The following CEP350 variants were observed in gnomAD, a reference collection of about 807,000 sequenced individuals.
CEP350 encodes the protein centrosome-associated protein 350.
A neutral mutation model predicts 331.8 loss-of-function variants in CEP350; 126 were observed. The observed-to-expected ratio is 0.38, with a 90% CI of 0.33 to 0.44. CEP350 has a LOEUF of 0.44. Ranked by LOEUF, CEP350 falls within the 20% of genes least tolerant of loss-of-function variation. The pLI, the probability that CEP350 is intolerant of heterozygous loss-of-function variation, is 1.00. For synonymous variants in CEP350, 1,200 were observed against 1,259.5 expected (o/e 0.95, Z 1.00); for missense variants, 3,406 against 3,634.6 (o/e 0.94, Z 1.62).
intron 19 of CEP350, 22 bp from the exon 20 acceptor site, chr1:180,043,034 T>C: frequency 6.2e-7 from 1 of 1,604,596 alleles, no homozygotes; most frequent in South Asian, 1.1e-5. Flanking sequence ...CATTTGCCTT[T>C]CTTGTGTGTG....
intron 1 of CEP350, among the ~76,000 whole-genome samples, chr1:179,983,886 C>T (rs1232203738): frequency 6.6e-6 from 1 of 152,148 alleles, no homozygotes; most frequent in African/African-American, 2.4e-5. Flanking sequence ...CAATGAAGCA[C>T]TAAGGTTAAG....
Position 180,041,646 on chromosome 1 carries a change from C to T in CEP350, c.4222-16C>T, listed in dbSNP as rs757284221. 6.3e-6 allele frequency: 10 copies of T among 1,596,976 alleles called. No homozygotes were observed. The highest frequency in any genetic ancestry group is 1.8e-5 in the Admixed American group (1 of 56,714). On this transcript the variant is annotated splice_polypyrimidine_tract_variant and intron_variant, in intron 18 of 37. Transcript: ENST00000367607. ...ATTAAAACATAACTTCTTTTTTAAA[C>T]CCCTTTTATTTAAAGGTCCATGCAG...
chr1:179,963,675 C>A (rs1028535988), intron 1 of CEP350, among the ~76,000 whole-genome samples: 2 of 151,902 alleles, frequency 1.3e-5, no homozygotes, highest in African/African-American at 4.8e-5. Flanking sequence ...TCTGGGTTCT[C>A]TATTCTGTTA....
At chr1:180,055,924 A>G (rs1322085472) in intron 25 of CEP350, among the ~76,000 whole-genome samples, 1 of 152,126 alleles carries the variant, frequency 6.6e-6, no homozygotes, top group African/African-American at 2.4e-5. Flanking sequence ...ATTTTTTCTT[A>G]GTTAAAATAA....
intron 37 of CEP350, among the ~76,000 whole-genome samples, chr1:180,102,128 C>G (rs553394462): frequency 6.6e-5 from 10 of 151,000 alleles, no homozygotes; most frequent in Admixed American, 5.9e-4. Flanking sequence ...GCCTAACACC[C>G]TTGACATTTT....
chr1:179,991,707 G>GTGTGTGTA (rs1385981536), intron 4 of CEP350, among the ~76,000 whole-genome samples: 8,703 of 96,280 alleles, frequency 0.09, 501 homozygotes, highest in East Asian at 0.11. Context: ...GTGTGTGTGT[G>GTGTGTGTA]TATATATATA....
rs568172944 is a variant in CEP350 at position 180,015,480 on chromosome 1, C to T, written c.2053-369C>T. 1.1e-4 allele frequency among the ~76,000 whole-genome samples: 17 copies of T among 152,152 alleles called. No individual in the cohort carries two copies. The East Asian group carries it at 1.2e-3, about 10-fold the overall frequency. On this transcript the variant is annotated intron_variant, in intron 10 of 37. Coordinates refer to ENST00000367607, the MANE Select transcript of CEP350 (RefSeq NM_014810.5). Reference sequence around the variant, plus strand: ...CGATCTCCTGACCTCCTGATCCGCCCGCCTCGGCCTCCCAAAGTGCTGGGA... The same window carrying T: ...CGATCTCCTGACCTCCTGATCCGCCTGCCTCGGCCTCCCAAAGTGCTGGGA...
At chr1:179,960,291 G>A (rs1034784169) in intron 1 of CEP350, among the ~76,000 whole-genome samples, 3 of 150,170 alleles carry the variant, frequency 2.0e-5, no homozygotes, top group Non-Finnish European at 4.4e-5. Context: ...TGGAGCATAC[G>A]GAGAAAAGCC....
chr1:180,088,718 T>C (rs527340648), intron 32 of CEP350, among the ~76,000 whole-genome samples: 1 of 152,322 alleles, frequency 6.6e-6, no homozygotes, highest in Non-Finnish European at 1.5e-5. Flanking sequence ...GCAAGTTATT[T>C]AACCGCTCTG....
intron 15 of CEP350, among the ~76,000 whole-genome samples, chr1:180,033,130 T>A (rs1375828934): frequency 3.3e-5 from 5 of 152,146 alleles, no homozygotes; most frequent in Non-Finnish European, 7.4e-5. Flanking sequence ...CTTTGAATAA[T>A]TTATTCAGTA....
At chr1:179,999,335 C>A (rs1018113474) in intron 6 of CEP350, among the ~76,000 whole-genome samples, 1 of 151,698 alleles carries the variant, frequency 6.6e-6, no homozygotes, top group African/African-American at 2.4e-5. Flanking sequence ...TTCCCATAAT[C>A]CTTTTACTAT....
In CEP350 at chr1:179,968,462, A is replaced by T. The variant is rs529962621; in HGVS notation, c.-14+13320A>T. 7.4e-4 allele frequency among the ~76,000 whole-genome samples: 112 copies of T among 152,354 alleles called. 1 individual carries two copies. The highest frequency in any genetic ancestry group is 2.6e-3 in the African/African-American group (109 of 41,584). ...ACATTCTGTGGATGGATTCATAAAG[A>T]GGAAGCAAGTATACTGCATTAAGGA... On this transcript the variant is annotated intron_variant, in intron 1 of 37. Transcript: ENST00000367607.
chr1:180,031,296 CT>C, intron 14 of CEP350, 23 bp from the exon 15 acceptor site: 2 of 1,471,972 alleles, frequency 1.4e-6, no homozygotes, highest in Non-Finnish European at 1.9e-6. Context: ...TGGGAATCAG[CT>C]TTATAAGAAA....
intron 14 of CEP350, among the ~76,000 whole-genome samples, chr1:180,027,127 T>C (rs1166488876): frequency 6.6e-6 from 1 of 152,200 alleles, no homozygotes; most frequent in Non-Finnish European, 1.5e-5. Flanking sequence ...TATTTTCTGC[T>C]TTTTTGATAA....
intron 16 of CEP350, among the ~76,000 whole-genome samples, chr1:180,036,182 T>C (rs958579998): frequency 1.3e-5 from 2 of 152,228 alleles, no homozygotes; most frequent in African/African-American, 4.8e-5. Context: ...TGCAGTCTCA[T>C]GACAAAAGTT....
At chr1:179,969,177 TTC>T in intron 1 of CEP350, 1 of 584,692 alleles carries the variant, frequency 1.7e-6, no homozygotes, top group East Asian at 3.6e-5. Flanking sequence ...GCCGGGGAAG[TTC>T]TGTGTGTGTG....
chr1:180,039,080 C>T (rs1162174598), intron 17 of CEP350, among the ~76,000 whole-genome samples: 5 of 123,826 alleles, frequency 4.0e-5, no homozygotes, highest in South Asian at 2.8e-4. Context: ...AGCCATCCAC[C>T]GTGGCGTATG....
chr1:180,080,827 G>A (rs1248778923), intron 30 of CEP350, among the ~76,000 whole-genome samples, 166 bp downstream of exon 30: 2 of 152,052 alleles, frequency 1.3e-5, no homozygotes. Flanking sequence ...TTGCCATATT[G>A]AATATATCGA....
At chr1:179,978,297 G>T (rs940348270) in intron 1 of CEP350, among the ~76,000 whole-genome samples, 2 of 152,072 alleles carry the variant, frequency 1.3e-5, no homozygotes, top group Non-Finnish European at 1.5e-5. Flanking sequence ...TATTCATGGG[G>T]CAATAGTGAT....
Sources: gnomAD v4.1 joint callset for allele counts (sites outside exome capture counted in the v4.1 genomes callset) on GRCh38, gnomAD v4.1.1 for gene constraint, MANE v1.5 for transcripts, NCBI Gene and HGNC (gene_info 2026-07-23, HGNC 2026-07-21) for gene names.